IQCH: variants seen among roughly 807,000 people sequenced by gnomAD.
IQCH encodes IQ motif containing H, also known as IQ domain-containing protein H.
A neutral mutation model predicts 117.0 loss-of-function variants in IQCH; 98 were observed. The observed-to-expected ratio is 0.84, with a 90% CI of 0.71 to 0.99. The LOEUF is 0.99. IQCH is among the 50% of genes least tolerant of loss of function. The pLI, the probability that IQCH is intolerant of heterozygous loss-of-function variation, is 0.00. For synonymous variants in IQCH, 412 were observed against 448.2 expected, an observed-to-expected ratio of 0.92 and a Z score of 1.02; for missense variants, 1,102 against 1,243.8, an observed-to-expected ratio of 0.89 and a Z score of 1.72.
At position 67,388,569 on chromosome 15, in the gene IQCH, G is replaced by T. The variant is rs140549980; in HGVS notation, c.1457-262G>T. ...GTATTATTTGAAAGTACATTTCCAAGGTATCTCACAGCCCTCCTTCTGAAG... is the reference window on the plus strand; with the variant it reads ...GTATTATTTGAAAGTACATTTCCAATGTATCTCACAGCCCTCCTTCTGAAG... On this transcript the variant is annotated intron_variant, in intron 11 of 20. Coordinates refer to ENST00000335894, the MANE Select transcript of IQCH (RefSeq NM_001031715.3). This position sits in a 1 kb window ranked among gnomAD's most constrained non-coding sequence, Gnocchi z 5.5. 6.6e-6 allele frequency among the ~76,000 whole-genome samples: 1 copy of T among 152,248 alleles called. No individual in the cohort carries two copies. Among genetic ancestry groups the T allele is most frequent in the East Asian group, 1.9e-4 (1 of 5,188 alleles).
At chr15:67,374,490 A>C (rs1366820830) in intron 10 of IQCH, among the ~76,000 whole-genome samples, 1 of 152,224 alleles carries the variant, frequency 6.6e-6, no homozygotes, top group Non-Finnish European at 1.5e-5. Context: ...AAAAGAAAAA[A>C]CATTTAAATC....
chr15:67,283,795 C>T (rs1173129789), intron 4 of IQCH, among the ~76,000 whole-genome samples: 1 of 152,140 alleles, frequency 6.6e-6, no homozygotes, highest in Non-Finnish European at 1.5e-5. Flanking sequence ...TATCATACTA[C>T]CACATACTCC....
chr15:67,349,792 T>C (rs1284281862), intron 6 of IQCH, among the ~76,000 whole-genome samples: 2 of 152,046 alleles, frequency 1.3e-5, no homozygotes, highest in African/African-American at 2.4e-5. Flanking sequence ...AGGAGATATA[T>C]GGATAGTAAA....
intron 6 of IQCH, among the ~76,000 whole-genome samples, chr15:67,345,720 G>A (rs1278190184): frequency 2.0e-5 from 3 of 152,186 alleles, no homozygotes; most frequent in Non-Finnish European, 4.4e-5. Flanking sequence ...AGCCTAAGGA[G>A]ACATGATGAC....
At chr15:67,347,217 A>AAAG (rs1555458626) in intron 6 of IQCH, among the ~76,000 whole-genome samples, 2 of 148,978 alleles carry the variant, frequency 1.3e-5, no homozygotes, top group Non-Finnish European at 3.0e-5. Context: ...AAAAAAAAAA[A>AAAG]GGAATTCAGT....
rs1027380271 is a variant in IQCH, at chr15:67,467,057, CTACAAAAA to C, written c.2676+1770_2676+1777del. 3.9e-5 allele frequency: 6 copies of C among 152,302 alleles called. No individual in the cohort carries two copies. The highest frequency in any genetic ancestry group is 1.4e-4 in the African/African-American group (6 of 41,416). 9.4% of individuals were successfully genotyped at this position (152,302 alleles called of 1,614,324 possible). A position where few individuals can be genotyped will look rare whatever the true frequency, so the allele number is the denominator to read the frequency against. ...TAGGCAACATGGCAAAACCCTGTCT[CTACAAAAA>C]TACAAAAATTAGCCGGGCATGGTGG... is the stretch of plus-strand genomic sequence containing the variant. On this transcript the variant is annotated intron_variant, in intron 17 of 20. Coordinates refer to ENST00000335894, the MANE Select transcript of IQCH (RefSeq NM_001031715.3). The surrounding 1 kb of genome is among the most constrained non-coding windows in gnomAD (Gnocchi z 5.7).
At position 67,400,173 on chromosome 15, in the gene IQCH, T is replaced by C. The variant is rs534328597; in HGVS notation, c.1965T>C (p.Phe655=). The change falls in exon 14 of 21, where the codon TTT becomes TTC. Residue 655 remains phenylalanine, a synonymous_variant. Transcript: ENST00000335894. ...ACCTGCAAATACAGCGTTGGCTCTT[T>C]AAAATGGACTCTGAGTTCCGAGGAA... ...TDHLQIQRWL[F]KMDSEFRGNG... The C allele has an allele frequency of 6.2e-7, 1 of 1,613,880 alleles. No homozygotes were observed. The highest frequency in any genetic ancestry group is 1.3e-5 in the African/African-American group (1 of 75,062).
chr15:67,312,073 T>C (rs1451714552), intron 4 of IQCH, among the ~76,000 whole-genome samples: 1 of 152,138 alleles, frequency 6.6e-6, no homozygotes, highest in East Asian at 1.9e-4. Context: ...TGAACTTGAG[T>C]ATTTGTTTGA....
rs1970443941 is a variant in IQCH at position 67,369,411 on chromosome 15, A to C, written c.754-2700A>C. 6.6e-6 allele frequency among the ~76,000 whole-genome samples: 1 copy of C among 152,096 alleles called. No homozygotes were observed. Among genetic ancestry groups the C allele is most frequent in the Non-Finnish European group, 1.5e-5 (1 of 68,016 alleles). ...AATCCTTCTTGGCTAGAAGGAAAAA[A>C]AAATTGCCGTCAAGTCAGTAATATC... is the stretch of plus-strand genomic sequence containing the variant. On this transcript the variant is annotated intron_variant, in intron 8 of 20. Transcript: ENST00000335894. This position sits in a 1 kb window ranked among gnomAD's most constrained non-coding sequence, Gnocchi z 5.2.
In IQCH at chr15:67,466,164, G is replaced by A. The variant is rs1175406577; in HGVS notation, c.2676+867G>A. Reference sequence around the variant, plus strand: ...AGGGGGCTGGGGCCAGAGTCCTGGGGCTGGCTGCGGGTTACCAACCTCAGC... The same window carrying A: ...AGGGGGCTGGGGCCAGAGTCCTGGGACTGGCTGCGGGTTACCAACCTCAGC... On this transcript the variant is annotated intron_variant, in intron 17 of 20. Transcript: ENST00000335894. The surrounding 1 kb of genome is among the most constrained non-coding windows in gnomAD (Gnocchi z 4.4). Among the ~76,000 whole-genome samples the A allele has an allele frequency of 1.3e-5, 2 of 152,196 alleles. No individual in the cohort carries two copies. Among genetic ancestry groups the A allele is most frequent in the Non-Finnish European group, 2.9e-5 (2 of 68,034 alleles).
rs1360791043 is a variant in IQCH, at chr15:67,475,780, C to T, written c.2761C>T (p.Gln921Ter). ...ACTGGTTTTCCACTATGTTTTTCTC[C>T]AGATCTGTAGGGCCCATGGCATTGG... ...LSLVFHYVFL[Q>*]ICRAHGIGYD... The change falls in exon 18 of 21, where the codon CAG becomes TAG. Residue 921 changes from glutamine to a stop codon, truncating the protein, a stop_gained. Transcript: ENST00000335894. LOFTEE classifies it high-confidence loss of function. The surrounding 1 kb of genome is among the most constrained non-coding windows in gnomAD (Gnocchi z 5.7). The T allele has an allele frequency of 1.2e-5, 19 of 1,613,982 alleles. No homozygotes were observed. Among genetic ancestry groups the T allele is most frequent in the Non-Finnish European group, 1.4e-5 (17 of 1,179,962 alleles).
chr15:67,471,129 T>C (rs1214644970), intron 17 of IQCH, among the ~76,000 whole-genome samples: 1 of 152,322 alleles, frequency 6.6e-6, no homozygotes, highest in Non-Finnish European at 1.5e-5. Flanking sequence ...TTTTGGGTTG[T>C]TTTCAGTTTT....
In IQCH at chr15:67,395,506, T is replaced by C. The variant is rs1487948011; in HGVS notation, c.1848T>C (p.Phe616=). 1.9e-6 allele frequency: 3 copies of C among 1,613,928 alleles called. No individual in the cohort carries two copies. Among genetic ancestry groups the C allele is most frequent in the Non-Finnish European group, 2.5e-6 (3 of 1,179,988 alleles). ...CCAAATCTGGAGGCAAACGTGTCTTTGACAGTGCCAATGTGGCAGTTCCTC... is the reference window on the plus strand; with the variant it reads ...CCAAATCTGGAGGCAAACGTGTCTTCGACAGTGCCAATGTGGCAGTTCCTC... ...YSTKSGGKRV[F]DSANVAVPPG... Residue 616 remains phenylalanine, a synonymous_variant, in exon 13 of 21, where the codon TTT becomes TTC. Transcript: ENST00000335894. This position sits in a 1 kb window ranked among gnomAD's most constrained non-coding sequence, Gnocchi z 4.0.
At chr15:67,439,164 C>T (rs770480677) in intron 16 of IQCH, among the ~76,000 whole-genome samples, 4 of 152,150 alleles carry the variant, frequency 2.6e-5, no homozygotes, top group Non-Finnish European at 5.9e-5. Flanking sequence ...GGCCATAAAA[C>T]GAGCCTCAAT....
intron 1 of IQCH, among the ~76,000 whole-genome samples, chr15:67,256,474 A>T (rs368696310): frequency 1.3e-4 from 20 of 152,130 alleles, no homozygotes; most frequent in East Asian, 5.8e-4. Context: ...GGATCAAAAC[A>T]CCCATTATAA....
At chr15:67,383,014 A>T (rs1359939443) in intron 10 of IQCH, among the ~76,000 whole-genome samples, 1 of 152,210 alleles carries the variant, frequency 6.6e-6, no homozygotes, top group African/African-American at 2.4e-5. Context: ...GACTTAAAAA[A>T]ATATATTGAC....
intron 16 of IQCH, among the ~76,000 whole-genome samples, chr15:67,429,555 C>G (rs2081975402): frequency 6.6e-6 from 1 of 152,112 alleles, no homozygotes; most frequent in Non-Finnish European, 1.5e-5. Flanking sequence ...TATTTCTAAT[C>G]AGAAAAAAAT....
chr15:67,450,128 A>T (rs1187512772), intron 16 of IQCH, among the ~76,000 whole-genome samples: 1 of 152,208 alleles, frequency 6.6e-6, no homozygotes, highest in African/African-American at 2.4e-5. Context: ...TTGGGCTGAG[A>T]TGAAGGGGTT....
In IQCH at chr15:67,359,664, G is replaced by A. The variant is rs1385105532; in HGVS notation, c.715-183G>A. ...AAGCAAACGGGGCTTGGCAAACAGA[G>A]CATCGTTGTCAGTGTGGGAAAGGTC... On this transcript the variant is annotated intron_variant, in intron 7 of 20. Coordinates refer to ENST00000335894, the MANE Select transcript of IQCH (RefSeq NM_001031715.3). This position sits in a 1 kb window ranked among gnomAD's most constrained non-coding sequence, Gnocchi z 4.5. 6.6e-6 allele frequency among the ~76,000 whole-genome samples: 1 copy of A among 152,206 alleles called. No homozygotes were observed. The highest frequency in any genetic ancestry group is 1.5e-5 in the Non-Finnish European group (1 of 68,042).
Sources: allele counts gnomAD v4.1 joint callset (sites outside exome capture counted in the v4.1 genomes callset), GRCh38; gene constraint gnomAD v4.1.1; non-coding constraint Gnocchi (gnomAD v3.1); transcripts MANE v1.5; gene names NCBI Gene and HGNC (gene_info 2026-07-23, HGNC 2026-07-21).